BIN1: variants seen among roughly 807,000 people sequenced by gnomAD.
BIN1 encodes the protein myc box-dependent-interacting protein 1.
Under a neutral mutation model 82.0 loss-of-function variants are expected in BIN1, and 53 were observed. The observed-to-expected ratio is 0.65, with a 90% CI of 0.52 to 0.81. The LOEUF is 0.81. BIN1 is among the 40% of genes least tolerant of loss of function. The pLI is 0.00. For synonymous variants in BIN1, 302 were observed against 328.0 expected (o/e 0.92, Z 0.86); for missense variants, 642 against 784.4 (o/e 0.82, Z 2.17).
chr2:127,068,293 AC>A lies in BIN1; in HGVS notation c.520-39del. On this transcript the variant is annotated intron_variant, in intron 6 of 18. Coordinates refer to ENST00000316724, the MANE Select transcript of BIN1 (RefSeq NM_139343.3). The surrounding 1 kb of genome is among the most constrained non-coding windows in gnomAD (Gnocchi z 4.9). ...GGTCAAGGCAAAGGAAGGTGGAGAG[AC>A]CAGGGAGGTGGGGAGAGAGAAACAG... 1 of 1,542,170 alleles carries A rather than the reference AC, an allele frequency of 6.5e-7. No homozygotes were observed. Among genetic ancestry groups the A allele is most frequent in the Non-Finnish European group, 8.9e-7 (1 of 1,124,642 alleles).
intron 2 of BIN1, among the ~76,000 whole-genome samples, chr2:127,074,838 G>T (rs1181623771): frequency 1.3e-5 from 2 of 152,212 alleles, no homozygotes; most frequent in Non-Finnish European, 2.9e-5. Context: ...GAGTAGCTAG[G>T]ACTACAGGCA....
chr2:127,050,149 C>T (rs1682709158), intron 18 of BIN1, among the ~76,000 whole-genome samples: 2 of 151,694 alleles, frequency 1.3e-5, no homozygotes, highest in Non-Finnish European at 2.9e-5. Flanking sequence ...AAAGGGGGGA[C>T]GTGGGGAGAA....
At position 127,068,230 on chromosome 2, in the gene BIN1, G is replaced by T; in HGVS notation, c.545C>A (p.Ala182Asp). 1.2e-6 allele frequency: 2 copies of T among 1,613,568 alleles called. No individual in the cohort carries two copies. Among genetic ancestry groups the T allele is most frequent in the Non-Finnish European group, 1.7e-6 (2 of 1,179,982 alleles). Residue 182 changes from alanine to aspartate, a missense_variant, in exon 7 of 19, where the codon GCC becomes GAC. Coordinates refer to ENST00000316724, the MANE Select transcript of BIN1 (RefSeq NM_139343.3). The surrounding 1 kb of genome is among the most constrained non-coding windows in gnomAD (Gnocchi z 4.9). ...AKPVSLLEKA[A>D]PQWCQGKLQA... ...CAGTTTGCCTTGGCACCACTGGGGGGCGGCTTTCTCAAGCAGCGAGACAGG... is the reference window on the plus strand; with the variant it reads ...CAGTTTGCCTTGGCACCACTGGGGGTCGGCTTTCTCAAGCAGCGAGACAGG...
intron 1 of BIN1, among the ~76,000 whole-genome samples, chr2:127,104,763 C>A (rs1393339572): frequency 1.3e-5 from 2 of 152,184 alleles, no homozygotes; most frequent in Non-Finnish European, 2.9e-5. Context: ...AGGCACACAG[C>A]AGAGGCTGCT....
At chr2:127,094,494 CTG>C (rs1491135971) in intron 1 of BIN1, among the ~76,000 whole-genome samples, 51 of 152,096 alleles carry the variant, frequency 3.4e-4, no homozygotes, top group African/African-American at 1.2e-3. Context: ...GAGCAGGAAC[CTG>C]GGGGGGTCCC....
Position 127,070,759 on chromosome 2 carries a change from T to G in BIN1, c.220+3A>C. The G allele has an allele frequency of 6.2e-7, 1 of 1,613,808 alleles. No individual in the cohort carries two copies. Among genetic ancestry groups the G allele is most frequent in the Non-Finnish European group, 8.5e-7 (1 of 1,179,976 alleles). On this transcript the variant is annotated splice_donor_region_variant and intron_variant, in intron 3 of 18. Coordinates refer to ENST00000316724, the MANE Select transcript of BIN1 (RefSeq NM_139343.3). The stretch of plus-strand genomic sequence containing the variant: ...GGCCAGGTGCGCTCTGCCTGCCTCC[T>G]ACCTTTGACGGAGGCCAGGTAGGTC...
chr2:127,078,985 A>G (rs1157314453), intron 1 of BIN1, among the ~76,000 whole-genome samples: 3 of 152,222 alleles, frequency 2.0e-5, no homozygotes, highest in Non-Finnish European at 4.4e-5. Flanking sequence ...TCCCAAGGCA[A>G]GAGCACCAGG....
At chr2:127,091,558 G>A (rs986425694) in intron 1 of BIN1, among the ~76,000 whole-genome samples, 1 of 152,208 alleles carries the variant, frequency 6.6e-6, no homozygotes, top group African/African-American at 2.4e-5. Flanking sequence ...ACCAGAAGGG[G>A]ACGAGGTGTT....
At position 127,106,232 on chromosome 2, in the gene BIN1, C is replaced by G. The variant is rs1190804739; in HGVS notation, c.84+628G>C. ...GGCACCTCCTTGCGGGGTGCGTAGC[C>G]CTGGGCTCCCGGTGGGGCCGGGCTG... On this transcript the variant is annotated intron_variant, in intron 1 of 18. Transcript: ENST00000316724. Among the ~76,000 whole-genome samples, 4 of 152,312 alleles carry G rather than the reference C, an allele frequency of 2.6e-5. No individual in the cohort carries two copies. In the South Asian group the frequency reaches 6.2e-4, roughly 24 times the overall value.
In BIN1 at chr2:127,077,419, C is replaced by A. The variant is rs76523012; in HGVS notation, c.85-713G>T. ...AGAGGTGGACTCCCCCTCAACCCCC[C>A]ACGATGAGTGGCAGGGGGAGATGAA... On this transcript the variant is annotated intron_variant, in intron 1 of 18. Transcript: ENST00000316724. Among the ~76,000 whole-genome samples the A allele has an allele frequency of 6.6e-3, 1,002 of 152,336 alleles. 14 individuals carry two copies. Among genetic ancestry groups the A allele is most frequent in the African/African-American group, 0.023 (937 of 41,570 alleles).
rs1685338007 is a variant in BIN1 at position 127,067,805 on chromosome 2, T to G, written c.612+358A>C. 6.6e-6 allele frequency among the ~76,000 whole-genome samples: 1 copy of G among 152,162 alleles called. No homozygotes were observed. The highest frequency in any genetic ancestry group is 2.1e-4 in the South Asian group (1 of 4,816). On this transcript the variant is annotated intron_variant, in intron 7 of 18. Coordinates refer to ENST00000316724, the MANE Select transcript of BIN1 (RefSeq NM_139343.3). This position sits in a 1 kb window ranked among gnomAD's most constrained non-coding sequence, Gnocchi z 4.7. Reference sequence around the variant, plus strand: ...GTGGCTTGAAGGACAGGCATGGCAGTACAGGGGCCTGATGATGTCGCCTCC... The same window carrying G: ...GTGGCTTGAAGGACAGGCATGGCAGGACAGGGGCCTGATGATGTCGCCTCC...
At chr2:127,061,920 A>C (rs1240203444) in intron 10 of BIN1, among the ~76,000 whole-genome samples, 195 bp downstream of exon 10, 2 of 152,124 alleles carry the variant, frequency 1.3e-5, no homozygotes. Context: ...ACACAGCCAG[A>C]GGGGCAGGGA....
intron 17 of BIN1, 120 bp from the exon 18 acceptor site, chr2:127,050,642 A>C: frequency 1.5e-6 from 2 of 1,356,942 alleles, no homozygotes; most frequent in Non-Finnish European, 2.1e-6. Context: ...GCTCAAAAGC[A>C]GCAGGACAGT....
At position 127,094,853 on chromosome 2, in the gene BIN1, A is replaced by G. The variant is rs188761904; in HGVS notation, c.84+12007T>C. On this transcript the variant is annotated intron_variant, in intron 1 of 18. Transcript: ENST00000316724. ...CCAGGATCAACAGACCCTGCCCACCAGCCCCCGGGTGGTGCTGCCCCGAAT... is the reference window on the plus strand; with the variant it reads ...CCAGGATCAACAGACCCTGCCCACCGGCCCCCGGGTGGTGCTGCCCCGAAT... 3.8e-3 allele frequency among the ~76,000 whole-genome samples: 584 copies of G among 152,300 alleles called. 6 individuals are homozygous for G. Among genetic ancestry groups the G allele is most frequent in the African/African-American group, 0.013 (559 of 41,562 alleles).
rs911407523 is a variant in BIN1 at position 127,057,359 on chromosome 2, ACTCT to A, written c.1131+110_1131+113del. ...CAAAGGGTGAGAGAGGGAAACTGACACTCTCTCTGGCCAGATTCCTGGCTCTTGA... is the reference window on the plus strand; with the variant it reads ...CAAAGGGTGAGAGAGGGAAACTGACACTCTGGCCAGATTCCTGGCTCTTGA... On this transcript the variant is annotated intron_variant, in intron 12 of 18. Transcript: ENST00000316724. The surrounding 1 kb of genome is among the most constrained non-coding windows in gnomAD (Gnocchi z 5.0). 6.6e-5 allele frequency: 87 copies of A among 1,320,906 alleles called. No individual in the cohort carries two copies. The highest frequency in any genetic ancestry group is 8.6e-5 in the Non-Finnish European group (86 of 1,002,878). 81.8% of individuals were successfully genotyped at this position (1,320,906 alleles called of 1,614,324 possible). A position where few individuals can be genotyped will look rare whatever the true frequency, so the allele number is the denominator to read the frequency against.
At position 127,057,383 on chromosome 2, in the gene BIN1, T is replaced by G; in HGVS notation, c.1131+90A>C. ...CACTCTCTCTGGCCAGATTCCTGGC[T>G]CTTGAGACAGAAGCATAGAGGATGA... On this transcript the variant is annotated intron_variant, in intron 12 of 18. Transcript: ENST00000316724. The surrounding 1 kb of genome is among the most constrained non-coding windows in gnomAD (Gnocchi z 5.0). 7.1e-7 allele frequency: 1 copy of G among 1,418,412 alleles called. No individual in the cohort carries two copies. The highest frequency in any genetic ancestry group is 9.3e-7 in the Non-Finnish European group (1 of 1,079,130). 87.9% of individuals were successfully genotyped at this position (1,418,412 alleles called of 1,614,324 possible).
intron 4 of BIN1, 93 bp from the exon 5 acceptor site, chr2:127,070,183 T>C: frequency 1.0e-6 from 1 of 1,003,676 alleles, no homozygotes; most frequent in Non-Finnish European, 1.5e-6. Context: ...CAGCCCCATC[T>C]CTTCACAGCT....
At position 127,059,687 on chromosome 2, in the gene BIN1, C is replaced by T. The variant is rs1040706091; in HGVS notation, c.858-532G>A. ...CTAGACCTTGGCTCTCCTGTCCTCT[C>T]GGCTGCTGGAGGCCACAAGCAGGGC... On this transcript the variant is annotated intron_variant, in intron 10 of 18. Coordinates refer to ENST00000316724, the MANE Select transcript of BIN1 (RefSeq NM_139343.3). The surrounding 1 kb of genome is among the most constrained non-coding windows in gnomAD (Gnocchi z 6.7). Among the ~76,000 whole-genome samples, 5 of 152,176 alleles carry T rather than the reference C, an allele frequency of 3.3e-5. No individual in the cohort carries two copies. The highest frequency in any genetic ancestry group is 1.3e-4 in the Admixed American group (2 of 15,270).
At chr2:127,105,654 G>T (rs1472440640) in intron 1 of BIN1, among the ~76,000 whole-genome samples, 2 of 152,044 alleles carry the variant, frequency 1.3e-5, no homozygotes, top group Admixed American at 1.3e-4. Flanking sequence ...AGCTCTAGGC[G>T]CCCCCCTCTC....
Sources: gnomAD v4.1 joint callset for allele counts (sites outside exome capture counted in the v4.1 genomes callset) on GRCh38, gnomAD v4.1.1 for gene constraint, Gnocchi (gnomAD v3.1) non-coding constraint, MANE v1.5 for transcripts, NCBI Gene and HGNC (gene_info 2026-07-23, HGNC 2026-07-21) for gene names.